NFASC: variants seen among roughly 807,000 people sequenced by gnomAD.
NFASC encodes the protein neurofascin.
In NFASC, 43 loss-of-function variants were observed where a neutral mutation model predicts 147.5. The observed-to-expected ratio is 0.29, with a 90% CI of 0.23 to 0.38. The LOEUF (loss-of-function observed/expected upper bound fraction) is 0.38. Ranked by LOEUF, NFASC falls within the 10% of genes least tolerant of loss-of-function variation. NFASC has a pLI of 1.00. For missense variants in NFASC, 1,320 were observed against 1,689.0 expected (o/e 0.78, Z 3.83); for synonymous variants, 622 against 665.5 (o/e 0.93, Z 1.01).
At chr1:204,875,073 TTTG>T (rs3046329) in intron 1 of NFASC, among the ~76,000 whole-genome samples, 10,793 of 150,784 alleles carry the variant, frequency 0.072, 705 homozygotes, top group East Asian at 0.21. Context: ...GTGGGTCTGC[TTTG>T]TTGTTGTTGT....
At chr1:204,974,853 T>C in intron 14 of NFASC, 30 bp downstream of exon 14, 2 of 1,602,430 alleles carry the variant, frequency 1.2e-6, no homozygotes, top group Non-Finnish European at 1.7e-6. Context: ...AGTGGGAGTT[T>C]GGAGAGGGAC....
chr1:204,908,910 A>G (rs892482752), intron 1 of NFASC, among the ~76,000 whole-genome samples: 6 of 152,202 alleles, frequency 3.9e-5, no homozygotes, highest in African/African-American at 1.4e-4. Context: ...ACTAGTATAA[A>G]TAGTCCATTC....
At chr1:204,897,267 A>G (rs1445722879) in intron 1 of NFASC, among the ~76,000 whole-genome samples, 2 of 152,176 alleles carry the variant, frequency 1.3e-5, no homozygotes, top group African/African-American at 2.4e-5. Flanking sequence ...GCTAGACAAG[A>G]CAATGACAGA....
At chr1:204,942,254 G>A (rs2093406983) in intron 2 of NFASC, among the ~76,000 whole-genome samples, 1 of 152,200 alleles carries the variant, frequency 6.6e-6, no homozygotes, top group African/African-American at 2.4e-5. Context: ...GTCATACCTG[G>A]CAAATACTAA....
chr1:205,016,354 G>A lies in NFASC; in HGVS notation c.3538G>A (p.Gly1180Ser), dbSNP rs769283109. 29 of 1,613,958 alleles carry A rather than the reference G, an allele frequency of 1.8e-5. No homozygotes were observed. Among genetic ancestry groups the A allele is most frequent in the East Asian group, 2.2e-5 (1 of 44,858 alleles). The change falls in exon 30 of 30, where the codon GGC becomes AGC. Residue 1180 changes from glycine (G) to serine (S), a missense_variant. Transcript: ENST00000339876. The surrounding 1 kb of genome is among the most constrained non-coding windows in gnomAD (Gnocchi z 5.1). ...PLQGSQTSLD[G>S]TIKQQESDDS... is the part of the protein sequence containing the mutation. ...GCAGGGCAGTCAGACATCTCTGGAC[G>A]GCACCATCAAGCAGCAGGAGAGTGA... is the stretch of plus-strand genomic sequence containing the variant.
intron 3 of NFASC, chr1:204,946,794 G>T: frequency 2.0e-6 from 1 of 511,044 alleles, no homozygotes. Context: ...ACCATCCCTG[G>T]GCTGCCAGCC....
intron 1 of NFASC, among the ~76,000 whole-genome samples, chr1:204,908,570 C>T (rs1425897898): frequency 1.3e-5 from 2 of 151,840 alleles, no homozygotes; most frequent in Non-Finnish European, 2.9e-5. Flanking sequence ...ACTACTTTGC[C>T]CAGGTTCCCC....
Position 205,012,850 on chromosome 1 carries a change from G to A in NFASC, c.3475G>A (p.Gly1159Ser). 6.2e-7 allele frequency: 1 copy of A among 1,613,354 alleles called. No homozygotes were observed. Among genetic ancestry groups the A allele is most frequent in the Non-Finnish European group, 8.5e-7 (1 of 1,179,286 alleles). The change falls in exon 29 of 30, where the codon GGC becomes AGC. Residue 1159 changes from glycine to serine, a missense_variant. Physicochemically the swap from Gly to Ser is moderately conservative, Grantham distance 56. Around this residue, in one of 3 missense-constraint regions of NFASC, gnomAD observed 167 missense variants for 233.8 expected, o/e 0.71. Coordinates refer to ENST00000339876, the MANE Select transcript of NFASC (RefSeq NM_001005388.3). ...CCCTGAAGACCCCAAGGAAGAGGAT[G>A]GCTCATTTGACTATAGGTGCGTGAT... is the stretch of plus-strand genomic sequence containing the variant. ...LGPEDPKEEDGSFDYSDEDNK... is the reference protein window; with the variant it reads ...LGPEDPKEEDSSFDYSDEDNK...
rs146260699 is a variant in NFASC, at chr1:204,856,254, A to G, written c.-200+27472A>G. Among the ~76,000 whole-genome samples, 1,121 of 152,224 alleles carry G rather than the reference A, an allele frequency of 7.4e-3. 11 individuals are homozygous for G. Among genetic ancestry groups the G allele is most frequent in the African/African-American group, 0.026 (1,069 of 41,538 alleles). On this transcript the variant is annotated intron_variant, in intron 1 of 29. Transcript: ENST00000339876. ...GGGTGGGGAAAGTGAATATACAGAC[A>G]GATGGCTGTTGCAGACAAAGCTTCC...
In NFASC at chr1:204,874,266, C is replaced by G. The variant is rs75082004; in HGVS notation, c.-200+45484C>G. On this transcript the variant is annotated intron_variant, in intron 1 of 29. Transcript: ENST00000339876. ...GCTCAGGTTAAATAACCCATGGTCT[C>G]CATGTTGCCTCCTGCTGCCACTCCC... Among the ~76,000 whole-genome samples, 1,366 of 152,292 alleles carry G rather than the reference C, an allele frequency of 9.0e-3. 33 individuals carry two copies. Among genetic ancestry groups the G allele is most frequent in the African/African-American group, 0.031 (1,305 of 41,556 alleles).
intron 1 of NFASC, among the ~76,000 whole-genome samples, chr1:204,893,847 G>A (rs1189696444): frequency 6.6e-6 from 1 of 152,130 alleles, no homozygotes; most frequent in African/African-American, 2.4e-5. Context: ...AATATTTTAG[G>A]AACTTAGTAA....
intron 1 of NFASC, among the ~76,000 whole-genome samples, chr1:204,890,611 C>G (rs553854140): frequency 2.6e-5 from 4 of 151,520 alleles, no homozygotes; most frequent in Non-Finnish European, 5.9e-5. Flanking sequence ...ACTCTGTCGC[C>G]CAGGCTAAAA....
At chr1:204,947,169 A>C in intron 3 of NFASC, 1 of 244,566 alleles carries the variant, frequency 4.1e-6, no homozygotes, top group Non-Finnish European at 8.3e-6. Flanking sequence ...TTCTGGTCTG[A>C]GCCCATAAAG....
intron 11 of NFASC, among the ~76,000 whole-genome samples, chr1:204,971,926 A>C (rs939525230): frequency 1.3e-5 from 2 of 152,252 alleles, no homozygotes; most frequent in Admixed American, 6.5e-5. Context: ...CAGGACTTGC[A>C]GCTGAGCCTC....
intron 1 of NFASC, among the ~76,000 whole-genome samples, chr1:204,839,153 G>A (rs976485532): frequency 6.6e-6 from 1 of 152,172 alleles, no homozygotes; most frequent in African/African-American, 2.4e-5. Context: ...TGTGCTCATA[G>A]TAATCCCTCA....
At chr1:204,834,646 A>G (rs1043557059) in intron 1 of NFASC, among the ~76,000 whole-genome samples, 1 of 152,112 alleles carries the variant, frequency 6.6e-6, no homozygotes, top group Non-Finnish European at 1.5e-5. Context: ...GAGATCCAGA[A>G]AGAAGGCCCC....
chr1:204,942,506 G>C (rs1345715991), intron 2 of NFASC, among the ~76,000 whole-genome samples: 1 of 152,210 alleles, frequency 6.6e-6, no homozygotes, highest in Non-Finnish European at 1.5e-5. Flanking sequence ...AGTTGCACTA[G>C]GGGAGTAGCA....
In NFASC at chr1:204,944,413, C is replaced by T. The variant is rs370209168; in HGVS notation, c.91+7C>T. The T allele has an allele frequency of 1.3e-6, 2 of 1,577,814 alleles. No homozygotes were observed. The highest frequency in any genetic ancestry group is 1.4e-5 in the African/African-American group (1 of 73,146). On this transcript the variant is annotated splice_region_variant and intron_variant, in intron 3 of 29. Transcript: ENST00000339876. ...ATCGAAATTCCTATGGATCGTGAGTCCTGCCCCATTCTCTTCTCTTTTTTT... is the reference window on the plus strand; with the variant it reads ...ATCGAAATTCCTATGGATCGTGAGTTCTGCCCCATTCTCTTCTCTTTTTTT...
intron 1 of NFASC, among the ~76,000 whole-genome samples, chr1:204,858,730 C>T (rs2076387238): frequency 6.6e-6 from 1 of 152,008 alleles, no homozygotes. Context: ...AGGCTTTTTG[C>T]GGAGTGGAGA....
Sources: allele counts gnomAD v4.1 joint callset (sites outside exome capture counted in the v4.1 genomes callset), GRCh38; gene constraint gnomAD v4.1.1; regional missense constraint gnomAD v4.1.1; non-coding constraint Gnocchi (gnomAD v3.1); transcripts MANE v1.5; gene names NCBI Gene and HGNC (gene_info 2026-07-23, HGNC 2026-07-21).